The following HIPK2 variants were observed in gnomAD, a reference collection of about 807,000 sequenced individuals.
The protein encoded by HIPK2 is homeodomain interacting protein kinase 2.
A neutral mutation model predicts 113.7 loss-of-function variants in HIPK2; 27 were observed. The ratio of observed to expected loss-of-function variants is 0.24; its 90% CI spans 0.17 to 0.33. HIPK2 has a LOEUF of 0.33. Among genes scored for constraint, HIPK2 ranks in the 10% least tolerant of loss-of-function variants. HIPK2 has a pLI of 1.00. For synonymous variants in HIPK2, 631 were observed against 642.2 expected (o/e 0.98, Z 0.26); for missense variants, 1,257 against 1,588.0 (o/e 0.79, Z 3.54).
chr7:139,695,915 A>G (rs946533961), intron 2 of HIPK2, among the ~76,000 whole-genome samples: 6 of 151,232 alleles, frequency 4.0e-5, no homozygotes, highest in Admixed American at 1.3e-4. Context: ...ATCATAGCAC[A>G]CTGTCTTGCT....
intron 2 of HIPK2, among the ~76,000 whole-genome samples, chr7:139,661,592 T>C (rs1320352657): frequency 2.0e-5 from 3 of 152,086 alleles, no homozygotes; most frequent in African/African-American, 4.8e-5. Flanking sequence ...ATGTCCCAAA[T>C]GTAACATAAC....
chr7:139,742,794 G>T (rs1057022099), intron 1 of HIPK2, among the ~76,000 whole-genome samples: 1 of 152,212 alleles, frequency 6.6e-6, no homozygotes, highest in Non-Finnish European at 1.5e-5. Flanking sequence ...TGCACATCTA[G>T]GGGTATCTTC....
intron 2 of HIPK2, among the ~76,000 whole-genome samples, chr7:139,648,620 G>A (rs1222040760): frequency 2.0e-5 from 3 of 152,114 alleles, no homozygotes; most frequent in South Asian, 2.1e-4. Flanking sequence ...CGGTTAAAAC[G>A]ATTCTATTCT....
chr7:139,577,430 G>C (rs1798529740), intron 13 of HIPK2, among the ~76,000 whole-genome samples: 5 of 152,276 alleles, frequency 3.3e-5, no homozygotes, highest in Admixed American at 3.3e-4. Flanking sequence ...GGGATTACAG[G>C]CGTGAGCCAC....
intron 1 of HIPK2, among the ~76,000 whole-genome samples, chr7:139,725,662 C>T (rs1790152632): frequency 6.6e-6 from 1 of 152,182 alleles, no homozygotes; most frequent in African/African-American, 2.4e-5. Context: ...CTTTCGCCTT[C>T]TCTCTCACTG....
intron 1 of HIPK2, among the ~76,000 whole-genome samples, chr7:139,761,897 A>G (rs1208277201): frequency 6.6e-6 from 1 of 152,194 alleles, no homozygotes; most frequent in Non-Finnish European, 1.5e-5. Context: ...ATGCATACAA[A>G]AAGACCTAAG....
Position 139,716,185 on chromosome 7 carries a change from G to A in HIPK2, c.850C>T (p.Leu284Phe). ...TTGTTTTGCTTCAGAAAGTCATAGA[G>A]GTTCTGCTCCAACATCTCGAAGACC... ...CLVFEMLEQN[L>F]YDFLKQNKFS... is the part of the protein sequence containing the mutation. The change falls in exon 2 of 15, where the codon CTC becomes TTC. Residue 284 changes from leucine (L) to phenylalanine (F), a missense_variant. By Grantham distance (22) the Leu-to-Phe change is conservative. Around this residue, in one of 5 missense-constraint regions of HIPK2, gnomAD observed 78 missense variants for 145.7 expected, o/e 0.54. Transcript: ENST00000406875. The surrounding 1 kb of genome is among the most constrained non-coding windows in gnomAD (Gnocchi z 9.3). 1 of 1,614,042 alleles carries A rather than the reference G, an allele frequency of 6.2e-7. No homozygotes were observed. Among genetic ancestry groups the A allele is most frequent in the Non-Finnish European group, 8.5e-7 (1 of 1,179,900 alleles).
chr7:139,620,089 T>A (rs554472400), intron 7 of HIPK2, among the ~76,000 whole-genome samples: 3 of 152,192 alleles, frequency 2.0e-5, no homozygotes, highest in Non-Finnish European at 4.4e-5. Context: ...ACCAGGCACA[T>A]ATCAGGCATA....
chr7:139,626,501 T>C, intron 6 of HIPK2, 100 bp downstream of exon 6: 1 of 1,266,300 alleles, frequency 7.9e-7, no homozygotes, highest in Non-Finnish European at 1.1e-6. Flanking sequence ...AGCTGAGTAG[T>C]TGTTACCAAG....
intron 6 of HIPK2, among the ~76,000 whole-genome samples, chr7:139,623,763 C>G (rs62491683): frequency 1.3e-5 from 2 of 152,054 alleles, no homozygotes; most frequent in African/African-American, 4.8e-5. Context: ...CAGAAAGGGG[C>G]GGGTCCAGCC....
At chr7:139,593,376 C>T (rs1043509316) in intron 12 of HIPK2, among the ~76,000 whole-genome samples, 5 of 152,238 alleles carry the variant, frequency 3.3e-5, no homozygotes, top group Non-Finnish European at 7.3e-5. Context: ...GTCTTTAGCT[C>T]AGTGTCTCCC....
Position 139,584,013 on chromosome 7 carries a change from G to A in HIPK2, c.2769C>T (p.Asp923=), listed in dbSNP as rs1194146844. 2.5e-6 allele frequency: 4 copies of A among 1,612,266 alleles called. No homozygotes were observed. The highest frequency in any genetic ancestry group is 3.4e-6 in the Non-Finnish European group (4 of 1,178,804). The change falls in exon 13 of 15, where the codon GAC becomes GAT. Residue 923 remains aspartate (D), a synonymous_variant. Coordinates refer to ENST00000406875, the MANE Select transcript of HIPK2 (RefSeq NM_022740.5). ...TGCTGGAGGAGTCGGAGTAGGGGGA[G>A]TCGTGGACTGTGACACAGCTGATGA... The part of the protein sequence containing the change: ...KNVISCVTVH[D]SPYSDSSSNT...
intron 2 of HIPK2, among the ~76,000 whole-genome samples, chr7:139,639,860 G>A (rs186324583): frequency 7.6e-4 from 115 of 152,302 alleles, no homozygotes; most frequent in African/African-American, 2.7e-3. Context: ...CTATGTGAGA[G>A]GCAGACAGCT....
At position 139,564,137 on chromosome 7, in the gene HIPK2, G is replaced by A. The variant is rs772680975; in HGVS notation, c.*8790C>T. The stretch of plus-strand genomic sequence containing the variant: ...TCCCCCTCCCACCGAACTAGACTTT[G>A]AGTCTAAGCTGGACAATGAGTAAAA... On this transcript the variant is annotated 3_prime_UTR_variant, in exon 15 of 15. Coordinates refer to ENST00000406875, the MANE Select transcript of HIPK2 (RefSeq NM_022740.5). 6 of 396,566 alleles carry A rather than the reference G, an allele frequency of 1.5e-5. No individual in the cohort carries two copies. In the Admixed American group the frequency reaches 1.8e-4, roughly 12 times the overall value. The allele number at this position is 396,566 out of a possible 1,614,324, so 24.6% of individuals were successfully genotyped here.
intron 1 of HIPK2, among the ~76,000 whole-genome samples, chr7:139,775,614 G>C (rs1319668679): frequency 6.6e-6 from 1 of 152,218 alleles, no homozygotes; most frequent in East Asian, 1.9e-4. Context: ...GAGGTCACCT[G>C]AGACAGGGAA....
At chr7:139,649,719 G>C (rs1447536968) in intron 2 of HIPK2, among the ~76,000 whole-genome samples, 1 of 152,108 alleles carries the variant, frequency 6.6e-6, no homozygotes, top group Non-Finnish European at 1.5e-5. Context: ...GAAAACTTCT[G>C]GGGCCACCTG....
At chr7:139,762,291 CAA>C (rs1424034114) in intron 1 of HIPK2, among the ~76,000 whole-genome samples, 1 of 152,162 alleles carries the variant, frequency 6.6e-6, no homozygotes, top group Non-Finnish European at 1.5e-5. Flanking sequence ...CTAGCACCGA[CAA>C]AGTCTAAGAG....
At chr7:139,574,827 A>G (rs879403553) in intron 14 of HIPK2, among the ~76,000 whole-genome samples, 1 of 152,224 alleles carries the variant, frequency 6.6e-6, no homozygotes, top group Non-Finnish European at 1.5e-5. Context: ...CTGGGTTGAA[A>G]CAGCAGTATG....
At chr7:139,646,131 G>A (rs1433093539) in intron 2 of HIPK2, among the ~76,000 whole-genome samples, 1 of 152,110 alleles carries the variant, frequency 6.6e-6, no homozygotes, top group African/African-American at 2.4e-5. Flanking sequence ...ACAGACACAG[G>A]CTCGGAAAGC....
Sources: allele counts gnomAD v4.1 joint callset (sites outside exome capture counted in the v4.1 genomes callset), GRCh38; gene constraint gnomAD v4.1.1; regional missense constraint gnomAD v4.1.1; non-coding constraint Gnocchi (gnomAD v3.1); transcripts MANE v1.5; gene names NCBI Gene and HGNC (gene_info 2026-07-23, HGNC 2026-07-21).